The following ZC3H7A variants were observed in gnomAD, a reference collection of about 807,000 sequenced individuals.
The protein encoded by ZC3H7A is zinc finger CCCH-type containing 7A, also known as zinc finger CCCH domain-containing protein 7A.
In ZC3H7A, 44 loss-of-function variants were observed where a neutral mutation model predicts 125.5. The observed-to-expected ratio is 0.35, with a 90% CI of 0.28 to 0.45. ZC3H7A has a LOEUF of 0.45. Ranked by LOEUF, ZC3H7A falls within the 20% of genes least tolerant of loss-of-function variation. The probability of loss-of-function intolerance (pLI) is 1.00; values close to 1 mark genes in which losing one functional copy is unlikely to be tolerated. For synonymous variants in ZC3H7A, 399 were observed against 391.2 expected (o/e 1.02, Z -0.23); for missense variants, 977 against 1,170.7 (o/e 0.83, Z 2.41).
rs1218202867 is a variant in ZC3H7A at position 11,781,314 on chromosome 16, G to A, written c.108+111C>T. On this transcript the variant is annotated intron_variant, in intron 3 of 22. Coordinates refer to ENST00000355758, the MANE Select transcript of ZC3H7A (RefSeq NM_014153.4). Reference sequence around the variant, plus strand: ...AAAATAAAATAAAATAAAATAAAAGGACAGCAGGCCAGATTGGGCCCACAA... The same window carrying A: ...AAAATAAAATAAAATAAAATAAAAGAACAGCAGGCCAGATTGGGCCCACAA... The A allele has an allele frequency of 4.4e-6, 4 of 907,446 alleles. No individual in the cohort carries two copies. The African/African-American group carries it at 6.7e-5, about 15-fold the overall frequency. The allele number at this position is 907,446 out of a possible 1,614,324, so 56.2% of individuals were successfully genotyped here. A position where few individuals can be genotyped will look rare whatever the true frequency, so the allele number is the denominator to read the frequency against.
intron 12 of ZC3H7A, 80 bp downstream of exon 12, chr16:11,768,235 A>G: frequency 7.8e-7 from 1 of 1,276,040 alleles, no homozygotes; most frequent in Non-Finnish European, 1.0e-6. Flanking sequence ...TGTTGTTAAC[A>G]TGTATTTACA....
At chr16:11,756,889 G>A (rs1424272632) in intron 20 of ZC3H7A, among the ~76,000 whole-genome samples, 1 of 152,220 alleles carries the variant, frequency 6.6e-6, no homozygotes, top group Non-Finnish European at 1.5e-5. Flanking sequence ...GGGCGGATAT[G>A]CTGGGCTGCA....
intron 17 of ZC3H7A, 86 bp from the exon 18 acceptor site, chr16:11,762,129 T>C: frequency 8.2e-6 from 11 of 1,344,530 alleles, no homozygotes; most frequent in Admixed American, 2.8e-5. Flanking sequence ...ATGCATTTTT[T>C]TCACAATAGT....
Position 11,751,044 on chromosome 16 carries a change from A to T in ZC3H7A, c.*273T>A, listed in dbSNP as rs184523688. On this transcript the variant is annotated 3_prime_UTR_variant, in exon 23 of 23. Transcript: ENST00000355758. ...AAAGAGTTGTCCTAGATATAACCTT[A>T]TCCTCTTCCCCAACACACTTCATCC... 6.7e-4 allele frequency: 213 copies of T among 318,612 alleles called. No individual in the cohort carries two copies. The highest frequency in any genetic ancestry group is 4.0e-3 in the African/African-American group (188 of 46,840). The allele number at this position is 318,612 out of a possible 1,614,324, so 19.7% of individuals were successfully genotyped here.
intron 1 of ZC3H7A, among the ~76,000 whole-genome samples, chr16:11,789,048 G>T (rs1425857457): frequency 6.6e-6 from 1 of 152,034 alleles, no homozygotes; most frequent in African/African-American, 2.4e-5. Flanking sequence ...ACACACACAA[G>T]TGCTGCTTAA....
rs74713815 is a variant in ZC3H7A at position 11,767,215 on chromosome 16, T to C, written c.1522+202A>G. ...CAGTATTCAGTACAGTAACAAACTG[T>C]ACAAGTCTGTAGTTTAGGAGCCACT... On this transcript the variant is annotated intron_variant, in intron 13 of 22. Transcript: ENST00000355758. Among the ~76,000 whole-genome samples, 1,025 of 152,294 alleles carry C rather than the reference T, an allele frequency of 6.7e-3. 10 individuals are homozygous for C. The highest frequency in any genetic ancestry group is 0.012 in the Non-Finnish European group (809 of 68,006).
rs146605814 is a variant in ZC3H7A at position 11,788,347 on chromosome 16, G to A, written c.-34-5959C>T. 1.5e-3 allele frequency among the ~76,000 whole-genome samples: 227 copies of A among 152,226 alleles called. 1 individual carries two copies. The highest frequency in any genetic ancestry group is 5.2e-3 in the African/African-American group (217 of 41,538). ...CATAGAGGTCCTCCCTCCATCAGAT[G>A]TCAAATGCCCTCATCTAGGGCCCCA... On this transcript the variant is annotated intron_variant, in intron 1 of 22. Coordinates refer to ENST00000355758, the MANE Select transcript of ZC3H7A (RefSeq NM_014153.4).
chr16:11,793,257 G>T (rs529113588), intron 1 of ZC3H7A, among the ~76,000 whole-genome samples: 2 of 152,302 alleles, frequency 1.3e-5, no homozygotes, highest in Admixed American at 1.3e-4. Flanking sequence ...TACAGGCTGG[G>T]TGCAGTGGCT....
At chr16:11,761,764 C>T in intron 18 of ZC3H7A, 146 bp downstream of exon 18, 1 of 1,161,826 alleles carries the variant, frequency 8.6e-7, no homozygotes. Context: ...TCCTAAAAAT[C>T]TCTTCCCTTG....
At chr16:11,788,637 GC>G (rs1278037122) in intron 1 of ZC3H7A, among the ~76,000 whole-genome samples, 1 of 144,360 alleles carries the variant, frequency 6.9e-6, no homozygotes. Context: ...TTTTTGAGAC[GC>G]AGTCTCCCTC....
rs2052749402 is a variant in ZC3H7A, at chr16:11,761,352, T to C, written c.2319+54A>G. On this transcript the variant is annotated intron_variant, in intron 19 of 22. Transcript: ENST00000355758. ...TTCAATCTGAATTACTACTATTTTC[T>C]AATGATTTGAAATGCCTAATTTAAA... is the stretch of plus-strand genomic sequence containing the variant. The C allele has an allele frequency of 2.7e-6, 4 of 1,502,710 alleles. No homozygotes were observed. In the South Asian group the frequency reaches 4.5e-5, roughly 17 times the overall value. The allele number at this position is 1,502,710 out of a possible 1,614,324, so 93.1% of individuals were successfully genotyped here.
chr16:11,780,729 G>C (rs1037401890), intron 3 of ZC3H7A, among the ~76,000 whole-genome samples: 1 of 152,086 alleles, frequency 6.6e-6, no homozygotes, highest in Non-Finnish European at 1.5e-5. Flanking sequence ...GAGGGAGAGA[G>C]GCAGCAAGAA....
At position 11,768,421 on chromosome 16, in the gene ZC3H7A, A is replaced by T; in HGVS notation, c.1254T>A (p.Phe418Leu). 1.9e-6 allele frequency: 3 copies of T among 1,593,346 alleles called. No individual in the cohort carries two copies. Among genetic ancestry groups the T allele is most frequent in the Non-Finnish European group, 2.6e-6 (3 of 1,166,262 alleles). ...SSQPRNDFGNFFGSAVTKPSS... is the reference protein window; with the variant it reads ...SSQPRNDFGNLFGSAVTKPSS... ...ATGGTTTGGTAACTGCACTTCCAAAAAAGTTTCCAAAGTCATTTCTAGGCT... is the reference window on the plus strand; with the variant it reads ...ATGGTTTGGTAACTGCACTTCCAAATAAGTTTCCAAAGTCATTTCTAGGCT... The change falls in exon 12 of 23, where the codon TTT (phenylalanine) becomes TTA (leucine). Residue 418 changes from phenylalanine (F) to leucine (L), a missense_variant. This residue lies in a region of ZC3H7A where 342 missense variants were observed against 311.3 expected (regional missense o/e 1.10). Transcript: ENST00000355758.
intron 1 of ZC3H7A, among the ~76,000 whole-genome samples, chr16:11,783,487 T>C (rs1167286973): frequency 1.3e-5 from 2 of 152,136 alleles, no homozygotes; most frequent in South Asian, 2.1e-4. Flanking sequence ...CCTTGTCTTG[T>C]GATTGCAGGA....
Position 11,790,880 on chromosome 16 carries a change from A to T in ZC3H7A, c.-35+6244T>A. On this transcript the variant is annotated intron_variant, in intron 1 of 22. Coordinates refer to ENST00000355758, the MANE Select transcript of ZC3H7A (RefSeq NM_014153.4). ...CACAGAGCAACATTCTGCCTCAAAAATAAATAGATAAATAAAACAAGTAAA... is the reference window on the plus strand; with the variant it reads ...CACAGAGCAACATTCTGCCTCAAAATTAAATAGATAAATAAAACAAGTAAA... 1.3e-5 allele frequency among the ~76,000 whole-genome samples: 2 copies of T among 151,702 alleles called. 1 individual carries two copies. Among genetic ancestry groups the T allele is most frequent in the African/African-American group, 4.8e-5 (2 of 41,282 alleles).
rs771515288 is a variant in ZC3H7A at position 11,770,971 on chromosome 16, C to T, written c.920G>A (p.Arg307Lys). 2 of 1,601,642 alleles carry T rather than the reference C, an allele frequency of 1.2e-6. No individual in the cohort carries two copies. Among genetic ancestry groups the T allele is most frequent in the African/African-American group, 1.3e-5 (1 of 74,492 alleles). The change falls in exon 10 of 23, where the codon AGA becomes AAA. Residue 307 changes from arginine (R) to lysine (K), a missense_variant. Arg to Lys is a conservative substitution (Grantham distance 26, BLOSUM62 2). Transcript: ENST00000355758. ...NETVMPSALV[R>K]GPLQTASVSP... ...GACACTGGCTGTCTGAAGGGGTCCT[C>T]TGACTAAAGCTGACGGCTGCGGAAG...
intron 2 of ZC3H7A, 46 bp from the exon 3 acceptor site, chr16:11,781,510 G>C (rs377143935): frequency 1.9e-6 from 3 of 1,593,852 alleles, no homozygotes; most frequent in Middle Eastern, 1.7e-4. Flanking sequence ...GCTCCTTATC[G>C]GGACCTGTTC....
intron 7 of ZC3H7A, among the ~76,000 whole-genome samples, chr16:11,775,306 G>A (rs1202539515): frequency 6.6e-6 from 1 of 151,918 alleles, no homozygotes; most frequent in African/African-American, 2.4e-5. Flanking sequence ...GGGAGGTGGA[G>A]GCTGCAGTGA....
intron 18 of ZC3H7A, 57 bp downstream of exon 18, chr16:11,761,853 T>C (rs2052758014): frequency 1.3e-6 from 2 of 1,597,158 alleles, no homozygotes; most frequent in African/African-American, 2.7e-5. Flanking sequence ...TGTATAATTT[T>C]ATACCTACGA....
Sources: allele counts gnomAD v4.1 joint callset (sites outside exome capture counted in the v4.1 genomes callset), GRCh38; gene constraint gnomAD v4.1.1; regional missense constraint gnomAD v4.1.1; transcripts MANE v1.5; gene names NCBI Gene and HGNC (gene_info 2026-07-23, HGNC 2026-07-21).